Variants in SLC44A5 observed in about 807,000 individuals in gnomAD.
SLC44A5 encodes the protein solute carrier family 44 member 5.
A neutral mutation model predicts 101.8 loss-of-function variants in SLC44A5; 57 were observed. That is an observed-to-expected ratio of 0.56 (90% CI 0.45 to 0.70). SLC44A5 has a LOEUF of 0.70. Among genes scored for constraint, SLC44A5 ranks in the 30% least tolerant of loss-of-function variants. The pLI, the probability that SLC44A5 is intolerant of heterozygous loss-of-function variation, is 0.00. For missense variants in SLC44A5, 737 were observed against 853.1 expected (o/e 0.86, Z 1.70); for synonymous variants, 281 against 290.9 (o/e 0.97, Z 0.35).
chr1:75,643,111 T>C, the SLC44A5 span, among the ~76,000 whole-genome samples: 8 of 152,178 alleles, frequency 5.3e-5, no homozygotes, highest in African/African-American at 1.9e-4. Context: ...TATAAAATTA[T>C]CATTCAACCA....
intron 2 of SLC44A5, among the ~76,000 whole-genome samples, chr1:75,416,410 A>T (rs1663650039): frequency 6.6e-6 from 1 of 152,216 alleles, no homozygotes; most frequent in East Asian, 1.9e-4. Context: ...ATGTATGGAA[A>T]TGCCTGGATG....
At chr1:75,504,952 T>C (rs1669165340) in intron 2 of SLC44A5, among the ~76,000 whole-genome samples, 2 of 152,298 alleles carry the variant, frequency 1.3e-5, no homozygotes, top group African/African-American at 4.8e-5. Context: ...ATCCAAATAG[T>C]GAGCACAGTA....
rs572920658 is a variant in SLC44A5, at chr1:75,358,341, ATTG to A, written c.53-18714_53-18712del. ...TATTTGGTATATTTAACCTTTAGCT[ATTG>A]TTGTGCTAGTGCTATACTTTATATA... On this transcript the variant is annotated intron_variant, in intron 3 of 23. Coordinates refer to ENST00000370859, the MANE Select transcript of SLC44A5 (RefSeq NM_001130058.2). 2.2e-3 allele frequency among the ~76,000 whole-genome samples: 331 copies of A among 152,216 alleles called. 2 individuals are homozygous for A. Among genetic ancestry groups the A allele is most frequent in the African/African-American group, 7.6e-3 (315 of 41,544 alleles).
chr1:75,220,084 G>C (rs1647047058), intron 14 of SLC44A5, among the ~76,000 whole-genome samples, 192 bp from the exon 15 acceptor site: 1 of 152,012 alleles, frequency 6.6e-6, no homozygotes, highest in African/African-American at 2.4e-5. Context: ...TTTTTCCGAT[G>C]CACATGTTAG....
intron 1 of SLC44A5, among the ~76,000 whole-genome samples, chr1:75,600,898 C>T (rs1018441303): frequency 6.6e-6 from 1 of 152,136 alleles, no homozygotes; most frequent in African/African-American, 2.4e-5. Flanking sequence ...CCTAATGACA[C>T]ATTTATTAGA....
chr1:75,233,202 A>T (rs1054279564), intron 12 of SLC44A5, among the ~76,000 whole-genome samples: 10 of 152,126 alleles, frequency 6.6e-5, no homozygotes, highest in African/African-American at 2.2e-4. Flanking sequence ...TTCAACCTTG[A>T]TTTTAAAAAT....
intron 2 of SLC44A5, among the ~76,000 whole-genome samples, chr1:75,406,207 G>T (rs185559821): frequency 1.3e-5 from 2 of 152,224 alleles, no homozygotes; most frequent in Admixed American, 1.3e-4. Context: ...TTCGGAAGTT[G>T]AGGCAATAAT....
chr1:75,474,923 C>A (rs1186371879), intron 2 of SLC44A5, among the ~76,000 whole-genome samples: 1 of 152,174 alleles, frequency 6.6e-6, no homozygotes, highest in Non-Finnish European at 1.5e-5. Flanking sequence ...AAGCACAGGT[C>A]TACTAAAATG....
intron 2 of SLC44A5, among the ~76,000 whole-genome samples, chr1:75,415,180 C>G (rs1663557100): frequency 6.6e-6 from 1 of 152,174 alleles, no homozygotes; most frequent in Admixed American, 6.5e-5. Context: ...TGTGTGTCCC[C>G]ACCCAAATCT....
the SLC44A5 span, among the ~76,000 whole-genome samples, chr1:75,631,382 C>CT: frequency 6.6e-6 from 1 of 151,726 alleles, no homozygotes; most frequent in Non-Finnish European, 1.5e-5. Context: ...AATATCACTC[C>CT]TTTTTTTGGA....
the SLC44A5 span, among the ~76,000 whole-genome samples, chr1:75,636,556 G>C: frequency 3.9e-5 from 6 of 152,054 alleles, no homozygotes; most frequent in East Asian, 1.2e-3. Flanking sequence ...AAATGAAATG[G>C]AGTGTATAAA....
intron 3 of SLC44A5, among the ~76,000 whole-genome samples, chr1:75,393,130 A>C (rs1661903513): frequency 2.6e-5 from 4 of 152,166 alleles, no homozygotes. Context: ...CTCTTGTAAC[A>C]AGCCTGCACA....
chr1:75,674,658 A>T, the SLC44A5 span, among the ~76,000 whole-genome samples: 1 of 152,166 alleles, frequency 6.6e-6, no homozygotes, highest in Non-Finnish European at 1.5e-5. Flanking sequence ...CTGGGATTAC[A>T]GGCATGAGCC....
At chr1:75,414,523 G>A (rs945291781) in intron 2 of SLC44A5, among the ~76,000 whole-genome samples, 16 of 151,762 alleles carry the variant, frequency 1.1e-4, no homozygotes, top group African/African-American at 3.4e-4. Flanking sequence ...TGGAGCTTAA[G>A]AGAAGGACAT....
chr1:75,233,731 T>C (rs560140621), intron 12 of SLC44A5, among the ~76,000 whole-genome samples: 18 of 152,286 alleles, frequency 1.2e-4, no homozygotes, highest in South Asian at 2.1e-4. Context: ...TTAGTATCCA[T>C]GAGGCAGGAG....
chr1:75,241,699 G>A (rs773081386), intron 9 of SLC44A5, among the ~76,000 whole-genome samples: 1 of 152,094 alleles, frequency 6.6e-6, no homozygotes, highest in Non-Finnish European at 1.5e-5. Context: ...GCATATCTGT[G>A]TGTGTGTTTA....
chr1:75,400,087 A>G (rs1349848228), intron 2 of SLC44A5, among the ~76,000 whole-genome samples: 11 of 152,224 alleles, frequency 7.2e-5, no homozygotes. Context: ...CAGAAACCGA[A>G]AATCAAGCAC....
chr1:75,596,104 C>T (rs988684718), intron 1 of SLC44A5, among the ~76,000 whole-genome samples: 10 of 152,012 alleles, frequency 6.6e-5, no homozygotes, highest in African/African-American at 2.2e-4. Context: ...AGCAAATTCA[C>T]TTTTTCTTTT....
At chr1:75,619,084 G>GA in the SLC44A5 span, among the ~76,000 whole-genome samples, 1 of 85,166 alleles carries the variant, frequency 1.2e-5, no homozygotes, top group Non-Finnish European at 2.4e-5. Flanking sequence ...AAAAAAGGGG[G>GA]GGGGGAAGGA....
Sources: allele counts gnomAD v4.1 joint callset (sites outside exome capture counted in the v4.1 genomes callset), GRCh38; gene constraint gnomAD v4.1.1; transcripts MANE v1.5; gene names NCBI Gene and HGNC (gene_info 2026-07-23, HGNC 2026-07-21).